SYBU: variants seen among roughly 807,000 people sequenced by gnomAD.
SYBU encodes syntabulin.
Under a neutral mutation model 35.9 loss-of-function variants are expected in SYBU, and 21 were observed. That is an observed-to-expected ratio of 0.58 (90% CI 0.41 to 0.84). The LOEUF (loss-of-function observed/expected upper bound fraction) is 0.84, where lower values mean the gene tolerates loss of function less well. Ranked by LOEUF, SYBU falls within the 40% of genes least tolerant of loss-of-function variation. The pLI is 0.00. For missense variants in SYBU, 768 were observed against 848.2 expected, an observed-to-expected ratio of 0.91 and a Z score of 1.17; for synonymous variants, 319 against 324.3, an observed-to-expected ratio of 0.98 and a Z score of 0.18.
At position 109,586,026 on chromosome 8, in the gene SYBU, G is replaced by A. The variant is rs760099854; in HGVS notation, c.530+34C>T. On this transcript the variant is annotated intron_variant, in intron 4 of 6. Transcript: ENST00000276646. ...GGTGCAGGTGAGTCACCTGTGTAAA[G>A]CGTCTTAATTACAGAGCAGGAGATG... 10 of 1,511,554 alleles carry A rather than the reference G, an allele frequency of 6.6e-6. No individual in the cohort carries two copies. In the African/African-American group the frequency reaches 1.2e-4, roughly 19 times the overall value. 93.6% of individuals were successfully genotyped at this position (1,511,554 alleles called of 1,614,324 possible). A position where few individuals can be genotyped will look rare whatever the true frequency, so the allele number is the denominator to read the frequency against.
upstream of SYBU, among the ~76,000 whole-genome samples, chr8:109,682,412 G>A (rs1817422287): frequency 6.6e-6 from 1 of 152,138 alleles, no homozygotes; most frequent in African/African-American, 2.4e-5. Flanking sequence ...ATGGAGATGA[G>A]GAACTTGTTG....
rs1812842894 is a variant in SYBU at position 109,625,116 on chromosome 8, G to GT, written c.230-6078dup. On this transcript the variant is annotated intron_variant, in intron 2 of 6. Transcript: ENST00000276646. The stretch of plus-strand genomic sequence containing the variant: ...GAAATGAAAAGGGCACTGTGATTAC[G>GT]TAAGAAAATGTGCTTTTTTTAAAAA... Among the ~76,000 whole-genome samples, 3 of 149,442 alleles carry GT rather than the reference G, an allele frequency of 2.0e-5. No homozygotes were observed. In the South Asian group the frequency reaches 6.7e-4, roughly 33 times the overall value.
chr8:109,589,725 A>G (rs979301427), intron 3 of SYBU, among the ~76,000 whole-genome samples: 1 of 152,236 alleles, frequency 6.6e-6, no homozygotes, highest in African/African-American at 2.4e-5. Context: ...GAAAACAAAA[A>G]GAATACGTGC....
In SYBU at chr8:109,605,899, T is replaced by C. The variant is rs532143336; in HGVS notation, c.427+12943A>G. 3.3e-5 allele frequency among the ~76,000 whole-genome samples: 5 copies of C among 152,382 alleles called. No individual in the cohort carries two copies. In the East Asian group the frequency reaches 7.7e-4, roughly 23 times the overall value. On this transcript the variant is annotated intron_variant, in intron 3 of 6. Transcript: ENST00000276646. The stretch of plus-strand genomic sequence containing the variant: ...AAAAAAAGAACTTAATATTTGAACC[T>C]AGATTTTAATCATCACATTTTAAAT...
intron 3 of SYBU, among the ~76,000 whole-genome samples, chr8:109,600,858 C>G (rs922320207): frequency 2.0e-5 from 3 of 152,134 alleles, no homozygotes; most frequent in African/African-American, 7.2e-5. Context: ...TTAATGCAAA[C>G]ACTTAGGATA....
intron 3 of SYBU, chr8:109,607,852 ACAG>A: frequency 1.1e-6 from 1 of 929,156 alleles, no homozygotes. Flanking sequence ...ACACACACAC[ACAG>A]TCTAGCCTCT....
intron 1 of SYBU, among the ~76,000 whole-genome samples, chr8:109,653,084 A>G (rs1476795511): frequency 6.6e-6 from 1 of 152,166 alleles, no homozygotes; most frequent in African/African-American, 2.4e-5. Flanking sequence ...AGGATAAACT[A>G]TGTAATTCCA....
Position 109,584,419 on chromosome 8 carries a change from C to T in SYBU, c.530+1641G>A, listed in dbSNP as rs557715129. Among the ~76,000 whole-genome samples the T allele has an allele frequency of 1.3e-4, 20 of 152,256 alleles. No individual in the cohort carries two copies. In the East Asian group the frequency reaches 3.5e-3, roughly 26 times the overall value. ...ATTTAAGTTGGCTTCATCTACAGGC[C>T]TTCCTTTTTTATCTTTTTGCCTTTC... On this transcript the variant is annotated intron_variant, in intron 4 of 6. Coordinates refer to ENST00000276646, the MANE Select transcript of SYBU (RefSeq NM_001099754.2). The surrounding 1 kb of genome is among the most constrained non-coding windows in gnomAD (Gnocchi z 4.0).
Position 109,575,370 on chromosome 8 carries a change from G to C in SYBU, c.1528C>G (p.Leu510Val), listed in dbSNP as rs1822124413. The stretch of plus-strand genomic sequence containing the variant: ...AAGCTCGAGGGACAGGGGTCCTGGA[G>C]CTTCTGCAGCACACTCTGAATGAGC... ...SELIQSVLQK[L>V]QDPCPSSLAS... The change falls in exon 7 of 7, where the codon CTC becomes GTC. Residue 510 changes from leucine (L) to valine (V), a missense_variant. By Grantham distance (32) the Leu-to-Val change is conservative. Transcript: ENST00000276646. 2.5e-6 allele frequency: 4 copies of C among 1,614,130 alleles called. No homozygotes were observed. The highest frequency in any genetic ancestry group is 8.5e-7 in the Non-Finnish European group (1 of 1,180,028).
At chr8:109,625,229 G>T (rs1001822907) in intron 2 of SYBU, among the ~76,000 whole-genome samples, 3 of 152,136 alleles carry the variant, frequency 2.0e-5, no homozygotes, top group African/African-American at 7.2e-5. Context: ...ACAAAGAAAA[G>T]AGACATAACA....
intron 1 of SYBU, among the ~76,000 whole-genome samples, chr8:109,669,606 A>AGGG: frequency 6.6e-6 from 1 of 152,320 alleles, no homozygotes; most frequent in East Asian, 1.9e-4. Context: ...ACTTATACCA[A>AGGG]TTAAATGCTT....
rs1823419899 is a variant in SYBU, at chr8:109,584,713, G to A, written c.530+1347C>T. 6.6e-6 allele frequency among the ~76,000 whole-genome samples: 1 copy of A among 152,084 alleles called. No individual in the cohort carries two copies. The highest frequency in any genetic ancestry group is 1.5e-5 in the Non-Finnish European group (1 of 68,008). On this transcript the variant is annotated intron_variant, in intron 4 of 6. Coordinates refer to ENST00000276646, the MANE Select transcript of SYBU (RefSeq NM_001099754.2). The surrounding 1 kb of genome is among the most constrained non-coding windows in gnomAD (Gnocchi z 4.0). ...TTTTAATGATAAAACTGTGCCCTGG[G>A]GGTCTCAGGTCGCCTTATAAACATC... is the stretch of plus-strand genomic sequence containing the variant.
intron 4 of SYBU, among the ~76,000 whole-genome samples, chr8:109,582,159 T>C (rs1823103568): frequency 1.3e-5 from 2 of 152,226 alleles, no homozygotes; most frequent in Non-Finnish European, 2.9e-5. Flanking sequence ...CTGGGGAATT[T>C]TATTACGAGT....
At chr8:109,684,863 T>G (rs1330911325), upstream of SYBU, among the ~76,000 whole-genome samples, 2 of 152,178 alleles carry the variant, frequency 1.3e-5, no homozygotes, top group Non-Finnish European at 2.9e-5. Context: ...TAAATTTTCC[T>G]TTTGCCTGCT....
intron 3 of SYBU, among the ~76,000 whole-genome samples, chr8:109,612,381 C>T (rs1276564427): frequency 6.6e-6 from 1 of 152,184 alleles, no homozygotes; most frequent in Non-Finnish European, 1.5e-5. Context: ...TAGCTTACAG[C>T]CTGTATTTGA....
chr8:109,637,796 C>T (rs60751400), intron 2 of SYBU, among the ~76,000 whole-genome samples: 1 of 152,138 alleles, frequency 6.6e-6, no homozygotes, highest in Non-Finnish European at 1.5e-5. Flanking sequence ...GTTGTCATGC[C>T]TCAACAGGGC....
intron 3 of SYBU, among the ~76,000 whole-genome samples, chr8:109,598,079 T>C (rs1212164543): frequency 6.6e-6 from 1 of 152,180 alleles, no homozygotes; most frequent in African/African-American, 2.4e-5. Context: ...GACCCAGTAA[T>C]ATATGTTTTA....
Position 109,606,270 on chromosome 8 carries a change from C to A in SYBU, c.427+12572G>T, listed in dbSNP as rs928666292. Among the ~76,000 whole-genome samples the A allele has an allele frequency of 9.9e-5, 15 of 152,128 alleles. No individual in the cohort carries two copies. In the East Asian group the frequency reaches 2.9e-3, roughly 29 times the overall value. Reference sequence around the variant, plus strand: ...GCTAATGCCTCCCTTGACTACCAGGCATTGTAAAAATGATGATAACGTTTA... The same window carrying A: ...GCTAATGCCTCCCTTGACTACCAGGAATTGTAAAAATGATGATAACGTTTA... On this transcript the variant is annotated intron_variant, in intron 3 of 6. Transcript: ENST00000276646.
intron 1 of SYBU, among the ~76,000 whole-genome samples, chr8:109,665,471 A>ATT (rs1470461876): frequency 6.6e-6 from 1 of 152,256 alleles, no homozygotes; most frequent in Non-Finnish European, 1.5e-5. Context: ...ATTATTTAAA[A>ATT]TTAAGTGGGT....
Sources: allele counts gnomAD v4.1 joint callset (sites outside exome capture counted in the v4.1 genomes callset), GRCh38; gene constraint gnomAD v4.1.1; non-coding constraint Gnocchi (gnomAD v3.1); transcripts MANE v1.5; gene names NCBI Gene and HGNC (gene_info 2026-07-23, HGNC 2026-07-21).